Variants in CATSPERE observed in about 807,000 individuals in gnomAD.
CATSPERE encodes the protein cation channel sperm-associated auxiliary subunit epsilon.
CATSPERE carries 93 observed loss-of-function variants against 114.1 expected under a neutral mutation model. That is an observed-to-expected ratio of 0.81 (90% CI 0.69 to 0.97). CATSPERE has a LOEUF of 0.97. Among genes scored for constraint, CATSPERE ranks in the 50% least tolerant of loss-of-function variants. The probability of loss-of-function intolerance (pLI) is 0.00; values close to 1 mark genes in which losing one functional copy is unlikely to be tolerated. For missense variants in CATSPERE, 1,058 were observed against 1,131.6 expected (o/e 0.93, Z 0.93); for synonymous variants, 341 against 384.1 (o/e 0.89, Z 1.31).
At chr1:244,468,575 G>A (rs1357205402) in intron 2 of CATSPERE, among the ~76,000 whole-genome samples, 1 of 152,090 alleles carries the variant, frequency 6.6e-6, no homozygotes, top group Non-Finnish European at 1.5e-5. Flanking sequence ...GGGCAAGAGA[G>A]TAATATTACA....
chr1:244,560,368 G>C (rs1431278476), intron 9 of CATSPERE, among the ~76,000 whole-genome samples: 1 of 137,444 alleles, frequency 7.3e-6, no homozygotes, highest in African/African-American at 2.6e-5. Flanking sequence ...ACACAAAGGC[G>C]TAAGAATGAT....
At chr1:244,503,208 G>C (rs1012213483) in intron 7 of CATSPERE, among the ~76,000 whole-genome samples, 1 of 152,100 alleles carries the variant, frequency 6.6e-6, no homozygotes, top group Non-Finnish European at 1.5e-5. Flanking sequence ...CTGCTTTTGA[G>C]ATTTTTCTCT....
chr1:244,558,890 T>C (rs1015971646), intron 9 of CATSPERE, among the ~76,000 whole-genome samples: 2 of 152,142 alleles, frequency 1.3e-5, no homozygotes, highest in African/African-American at 4.8e-5. Context: ...TCCTCTCCAC[T>C]CCCTTACCCC....
intron 13 of CATSPERE, among the ~76,000 whole-genome samples, chr1:244,584,952 G>A (rs974501967): frequency 1.3e-5 from 2 of 152,118 alleles, no homozygotes; most frequent in African/African-American, 4.8e-5. Flanking sequence ...CCACAACCTA[G>A]GAAGGTCCTG....
At chr1:244,509,803 G>C (rs982306415) in intron 7 of CATSPERE, among the ~76,000 whole-genome samples, 1 of 152,040 alleles carries the variant, frequency 6.6e-6, no homozygotes, top group Non-Finnish European at 1.5e-5. Flanking sequence ...GTATAATCAT[G>C]GTAGATTTTA....
chr1:244,603,485 A>G (rs1009830112), intron 17 of CATSPERE, among the ~76,000 whole-genome samples: 6 of 152,210 alleles, frequency 3.9e-5, no homozygotes, highest in Non-Finnish European at 8.8e-5. Flanking sequence ...CATGAAAATA[A>G]GCCATGCTTA....
intron 17 of CATSPERE, among the ~76,000 whole-genome samples, chr1:244,602,160 AACTTATT>A (rs1669340032): frequency 6.6e-6 from 1 of 152,168 alleles, no homozygotes; most frequent in Non-Finnish European, 1.5e-5. Context: ...TTCTAGAAAT[AACTTATT>A]TGTCTGCTAC....
Position 244,480,253 on chromosome 1 carries a change from A to T in CATSPERE, c.326+469A>T, listed in dbSNP as rs184437993. Among the ~76,000 whole-genome samples the T allele has an allele frequency of 1.5e-3, 223 of 152,318 alleles. 1 individual carries two copies. The highest frequency in any genetic ancestry group is 4.9e-3 in the African/African-American group (204 of 41,566). The stretch of plus-strand genomic sequence containing the variant: ...AAAATGAAGGTAGCTGAATATAAGG[A>T]GGGAAAAAGTGGTACATAACTACAT... On this transcript the variant is annotated intron_variant, in intron 5 of 21. Transcript: ENST00000366534.
intron 18 of CATSPERE, among the ~76,000 whole-genome samples, chr1:244,609,251 T>C (rs1670402625): frequency 6.6e-6 from 1 of 152,066 alleles, no homozygotes; most frequent in Non-Finnish European, 1.5e-5. Flanking sequence ...CTTCACCTAA[T>C]GAAATGTAGA....
At chr1:244,460,138 A>G (rs1425483431), upstream of CATSPERE, among the ~76,000 whole-genome samples, 1 of 152,192 alleles carries the variant, frequency 6.6e-6, no homozygotes, top group Non-Finnish European at 1.5e-5. Context: ...TTTGGGAGAA[A>G]CTTAGTTTAT....
intron 17 of CATSPERE, among the ~76,000 whole-genome samples, chr1:244,601,177 G>A (rs1481504535): frequency 6.6e-6 from 1 of 152,144 alleles, no homozygotes; most frequent in Non-Finnish European, 1.5e-5. Flanking sequence ...TATAGGTGGA[G>A]AGAGAATTAC....
intron 9 of CATSPERE, 34 bp downstream of exon 9, chr1:244,552,848 A>ATT: frequency 9.3e-7 from 1 of 1,072,986 alleles, no homozygotes; most frequent in Non-Finnish European, 1.2e-6. Flanking sequence ...TTATAAATAT[A>ATT]TTTATATTTT....
At chr1:244,548,077 T>C (rs146467332) in intron 8 of CATSPERE, among the ~76,000 whole-genome samples, 176 of 152,348 alleles carry the variant, frequency 1.2e-3, no homozygotes, top group African/African-American at 4.0e-3. Flanking sequence ...GGAAGAAGTA[T>C]GCAGATAAAC....
Position 244,573,531 on chromosome 1 carries a change from G to C in CATSPERE, c.1950+759G>C, listed in dbSNP as rs981092530. On this transcript the variant is annotated intron_variant, in intron 11 of 21. Transcript: ENST00000366534. The surrounding 1 kb of genome is among the most constrained non-coding windows in gnomAD (Gnocchi z 4.0). ...CATCTGGGTTCGTGGATGTGATGTG[G>C]GCATCTGCTAATTCGTCTGCAACTA... Among the ~76,000 whole-genome samples the C allele has an allele frequency of 3.3e-5, 5 of 152,158 alleles. No individual in the cohort carries two copies. The highest frequency in any genetic ancestry group is 5.9e-5 in the Non-Finnish European group (4 of 68,018).
chr1:244,478,542 A>G (rs1380433578), intron 4 of CATSPERE, among the ~76,000 whole-genome samples: 55 of 152,232 alleles, frequency 3.6e-4, no homozygotes, highest in Non-Finnish European at 2.5e-4. Context: ...CTGCAGTTCT[A>G]CAGATACCAT....
chr1:244,579,531 A>T (rs1399540666), intron 11 of CATSPERE, among the ~76,000 whole-genome samples: 1 of 152,122 alleles, frequency 6.6e-6, no homozygotes. Flanking sequence ...TCTCCAAAAA[A>T]CTTTCCAGTA....
At chr1:244,602,427 A>G (rs1669383252) in intron 17 of CATSPERE, among the ~76,000 whole-genome samples, 1 of 152,204 alleles carries the variant, frequency 6.6e-6, no homozygotes, top group South Asian at 2.1e-4. Flanking sequence ...GGCCACCGGG[A>G]AATTAGCCCA....
At chr1:244,590,208 C>A (rs1372648038) in intron 14 of CATSPERE, among the ~76,000 whole-genome samples, 1 of 152,176 alleles carries the variant, frequency 6.6e-6, no homozygotes, top group Non-Finnish European at 1.5e-5. Flanking sequence ...CCTATAATTA[C>A]AACGATCATT....
At chr1:244,624,128 ATTT>A (rs58744339) in intron 20 of CATSPERE, among the ~76,000 whole-genome samples, 1 of 125,938 alleles carries the variant, frequency 7.9e-6, no homozygotes, top group Non-Finnish European at 1.6e-5. Flanking sequence ...TGCCCAGCTA[ATTT>A]TTTTTTTTTT....
Sources: gnomAD v4.1 joint callset for allele counts (sites outside exome capture counted in the v4.1 genomes callset) on GRCh38, gnomAD v4.1.1 for gene constraint, Gnocchi (gnomAD v3.1) non-coding constraint, MANE v1.5 for transcripts, NCBI Gene and HGNC (gene_info 2026-07-23, HGNC 2026-07-21) for gene names.